The following KAT6A variants were observed in gnomAD, a reference collection of about 807,000 sequenced individuals.
KAT6A encodes the protein lysine acetyltransferase 6A.
In KAT6A, 9 loss-of-function variants were observed where a neutral mutation model predicts 198.4. That is an observed-to-expected ratio of 0.05 (90% confidence interval 0.03 to 0.08). The LOEUF is 0.08. Among genes scored for constraint, KAT6A ranks in the 10% least tolerant of loss-of-function variants. KAT6A has a pLI of 1.00. For missense variants in KAT6A, 2,077 were observed against 2,509.9 expected, an observed-to-expected ratio of 0.83 and a Z score of 3.69; for synonymous variants, 890 against 883.0, an observed-to-expected ratio of 1.01 and a Z score of -0.14.
rs548118355 is a variant in KAT6A at position 41,932,890 on chromosome 8, A to G, written c.5330T>C (p.Val1777Ala). ...HAMPYSHSPA[V>A]TSYATSVSLS... ...AGAAACACTGGTTGCATAGGAAGTC[A>G]CAGCAGGAGAATGGCTATAAGGCAT... is the stretch of plus-strand genomic sequence containing the variant. Residue 1777 changes from valine to alanine, a missense_variant, in exon 17 of 17, where the codon GTG becomes GCG. Val to Ala is a moderately conservative substitution (Grantham distance 64, BLOSUM62 0). Coordinates refer to ENST00000265713, the MANE Select transcript of KAT6A (RefSeq NM_006766.5). 19 of 1,614,034 alleles carry G rather than the reference A, an allele frequency of 1.2e-5. 1 individual carries two copies. The highest frequency in any genetic ancestry group is 2.2e-5 in the South Asian group (2 of 91,090).
At position 41,930,491 on chromosome 8, in the gene KAT6A, G is replaced by A. The variant is rs1179477445; in HGVS notation, c.*1714C>T. 4 of 207,272 alleles carry A rather than the reference G, an allele frequency of 1.9e-5. No homozygotes were observed. The highest frequency in any genetic ancestry group is 1.9e-4 in the South Asian group (1 of 5,274). The allele number at this position is 207,272 out of a possible 1,614,324, so 12.8% of individuals were successfully genotyped here. On this transcript the variant is annotated 3_prime_UTR_variant, in exon 17 of 17. Coordinates refer to ENST00000265713, the MANE Select transcript of KAT6A (RefSeq NM_006766.5). ...GTATTAAAAAAACCAACAAACCTGT[G>A]CATTTGAAAAAAGTTAATGCCTAAT...
intron 2 of KAT6A, among the ~76,000 whole-genome samples, chr8:41,994,648 CT>C (rs935384374): frequency 2.0e-5 from 3 of 152,082 alleles, no homozygotes; most frequent in African/African-American, 7.2e-5. Context: ...CCCCTTAACC[CT>C]TTTCACTAAT....
intron 2 of KAT6A, among the ~76,000 whole-genome samples, chr8:42,027,831 G>C (rs1209446637): frequency 6.6e-6 from 1 of 151,728 alleles, no homozygotes; most frequent in African/African-American, 2.4e-5. Flanking sequence ...GATTTAGTTT[G>C]TTCTTAACTT....
chr8:41,993,284 A>AT (rs747355185), intron 2 of KAT6A, among the ~76,000 whole-genome samples: 2 of 152,218 alleles, frequency 1.3e-5, no homozygotes, highest in Non-Finnish European at 2.9e-5. Flanking sequence ...CACTTATCAA[A>AT]TAATCCCAGT....
At chr8:41,985,954 T>G (rs1824580964) in intron 3 of KAT6A, among the ~76,000 whole-genome samples, 1 of 152,094 alleles carries the variant, frequency 6.6e-6, no homozygotes, top group South Asian at 2.1e-4. Context: ...TTGTTTGTTT[T>G]AATTTAAGAC....
chr8:42,023,097 A>T (rs193121069), intron 2 of KAT6A, among the ~76,000 whole-genome samples: 2 of 152,348 alleles, frequency 1.3e-5, no homozygotes, highest in Admixed American at 1.3e-4. Flanking sequence ...ATTGAAGGCA[A>T]TTGTAACACA....
rs1462579440 is a variant in KAT6A, at chr8:41,931,583, G to T, written c.*622C>A. The stretch of plus-strand genomic sequence containing the variant: ...TTCAAGAGGTGTGTGTGTGTGAGGA[G>T]TGGAGGGGATTTTAAAAGGAGAAGC... On this transcript the variant is annotated 3_prime_UTR_variant, in exon 17 of 17. Coordinates refer to ENST00000265713, the MANE Select transcript of KAT6A (RefSeq NM_006766.5). The T allele has an allele frequency of 5.0e-6, 1 of 201,838 alleles. No individual in the cohort carries two copies. Among genetic ancestry groups the T allele is most frequent in the African/African-American group, 2.3e-5 (1 of 43,528 alleles). 12.5% of individuals were successfully genotyped at this position (201,838 alleles called of 1,614,324 possible).
intron 2 of KAT6A, among the ~76,000 whole-genome samples, chr8:42,007,085 T>A (rs188640442): frequency 6.6e-6 from 1 of 151,512 alleles, no homozygotes; most frequent in African/African-American, 2.4e-5. Context: ...AAAACTATCA[T>A]GCAATTTGCC....
At chr8:41,981,781 C>T in intron 4 of KAT6A, 58 bp downstream of exon 4, 2 of 1,024,798 alleles carry the variant, frequency 2.0e-6, no homozygotes, top group African/African-American at 1.6e-5. Flanking sequence ...GATGAAAATG[C>T]TGGTCGTACA....
At chr8:41,996,654 C>T (rs969683840) in intron 2 of KAT6A, among the ~76,000 whole-genome samples, 9 of 152,106 alleles carry the variant, frequency 5.9e-5, no homozygotes, top group African/African-American at 1.9e-4. Flanking sequence ...CCCCCTTTTC[C>T]TCTCTGTCTT....
intron 2 of KAT6A, among the ~76,000 whole-genome samples, chr8:42,007,961 C>CAAAAAA (rs988491987): frequency 2.3e-4 from 10 of 42,900 alleles, no homozygotes; most frequent in African/African-American, 3.6e-4. Context: ...GACTCCGTCT[C>CAAAAAA]AAAAAAAAAA....
intron 2 of KAT6A, among the ~76,000 whole-genome samples, chr8:42,022,402 T>G (rs1826591021): frequency 6.6e-6 from 1 of 152,054 alleles, no homozygotes; most frequent in South Asian, 2.1e-4. Flanking sequence ...TTTGATTACC[T>G]CTAAGAACTG....
intron 8 of KAT6A, among the ~76,000 whole-genome samples, chr8:41,962,070 A>G (rs923067932): frequency 2.0e-5 from 3 of 152,242 alleles, no homozygotes; most frequent in African/African-American, 7.2e-5. Context: ...TTCTTCACTT[A>G]GCTTCTAAGG....
chr8:42,030,479 G>A (rs1827051837), intron 2 of KAT6A, among the ~76,000 whole-genome samples: 1 of 152,104 alleles, frequency 6.6e-6, no homozygotes, highest in African/African-American at 2.4e-5. Flanking sequence ...CCACCTTTGT[G>A]GAGAAGGTGA....
chr8:41,932,228 T>G lies in KAT6A; in HGVS notation c.5992A>C (p.Asn1998His). ...GCTCATCTTCTCATGTAAGGTCCGTTGAGTGACTGCTTGGGCACGCCAGCA... is the reference window on the plus strand; with the variant it reads ...GCTCATCTTCTCATGTAAGGTCCGTGGAGTGACTGCTTGGGCACGCCAGCA... ...NAAGVPKQSL[N>H]GPYMRR Residue 1998 changes from asparagine (N) to histidine (H), a missense_variant, in exon 17 of 17, where the codon AAC becomes CAC. Asn to His is a moderately conservative substitution (Grantham distance 68). Around this residue, in one of 13 missense-constraint regions of KAT6A, gnomAD observed 500 missense variants for 577.2 expected, o/e 0.87. Transcript: ENST00000265713. 1.2e-6 allele frequency: 2 copies of G among 1,607,902 alleles called. No homozygotes were observed. Among genetic ancestry groups the G allele is most frequent in the Non-Finnish European group, 1.7e-6 (2 of 1,176,716 alleles).
chr8:41,979,146 T>C (rs1230971484), intron 5 of KAT6A, among the ~76,000 whole-genome samples: 3 of 151,934 alleles, frequency 2.0e-5, no homozygotes, highest in Non-Finnish European at 1.5e-5. Context: ...TACGTGCCTG[T>C]AGTCCCAGCT....
At chr8:42,021,688 T>C (rs1318831236) in intron 2 of KAT6A, among the ~76,000 whole-genome samples, 1 of 152,166 alleles carries the variant, frequency 6.6e-6, no homozygotes, top group Non-Finnish European at 1.5e-5. Context: ...CCCAGCACTT[T>C]GGGAGGCCAA....
intron 4 of KAT6A, 73 bp from the exon 5 acceptor site, chr8:41,981,000 A>G: frequency 9.8e-7 from 1 of 1,020,278 alleles, no homozygotes; most frequent in Non-Finnish European, 1.5e-6. Flanking sequence ...TGACTGCATA[A>G]AACCTAGAAA....
intron 3 of KAT6A, among the ~76,000 whole-genome samples, chr8:41,983,567 C>T (rs73628543): frequency 0.019 from 2,963 of 152,274 alleles, 85 homozygotes; most frequent in African/African-American, 0.067. Flanking sequence ...TTGTTAAATA[C>T]TGAGACTACG....
Sources: allele counts gnomAD v4.1 joint callset (sites outside exome capture counted in the v4.1 genomes callset), GRCh38; gene constraint gnomAD v4.1.1; regional missense constraint gnomAD v4.1.1; transcripts MANE v1.5; gene names NCBI Gene and HGNC (gene_info 2026-07-23, HGNC 2026-07-21).